Variants in NTM observed in about 807,000 individuals in gnomAD.
NTM encodes neurotrimin.
In NTM, 13 loss-of-function variants were observed where a neutral mutation model predicts 42.1. The observed-to-expected ratio is 0.31, with a 90% CI of 0.20 to 0.49. The LOEUF (loss-of-function observed/expected upper bound fraction) is 0.49, where lower values mean the gene tolerates loss of function less well. NTM is among the 20% of genes least tolerant of loss of function. The probability of loss-of-function intolerance (pLI) is 0.99; values close to 1 mark genes in which losing one functional copy is unlikely to be tolerated. For synonymous variants in NTM, 187 were observed against 179.2 expected (o/e 1.04, Z -0.35); for missense variants, 373 against 452.8 (o/e 0.82, Z 1.60).
At chr11:132,137,850 G>A (rs989993287) in intron 2 of NTM, among the ~76,000 whole-genome samples, 8 of 152,272 alleles carry the variant, frequency 5.3e-5, no homozygotes, top group African/African-American at 1.7e-4. Context: ...GCCTGTCCAC[G>A]CGATCCGTGC....
intron 1 of NTM, among the ~76,000 whole-genome samples, chr11:131,865,389 A>G (rs1399078433): frequency 6.6e-6 from 1 of 152,180 alleles, no homozygotes. Flanking sequence ...AGACCCCTGA[A>G]TGTGTTGTAT....
intron 2 of NTM, among the ~76,000 whole-genome samples, chr11:132,140,025 A>G (rs1480814402): frequency 3.3e-5 from 5 of 152,250 alleles, no homozygotes; most frequent in Non-Finnish European, 5.9e-5. Flanking sequence ...AATTTTTACA[A>G]TAAACAAAAG....
At chr11:131,898,155 G>A (rs756675483) in intron 1 of NTM, among the ~76,000 whole-genome samples, 5 of 152,132 alleles carry the variant, frequency 3.3e-5, no homozygotes, top group African/African-American at 4.8e-5. Flanking sequence ...GACTGTGCTC[G>A]AAATGTTTAT....
intron 1 of NTM, among the ~76,000 whole-genome samples, chr11:131,530,131 A>G (rs535395966): frequency 2.6e-5 from 4 of 152,232 alleles, no homozygotes; most frequent in South Asian, 4.1e-4. Context: ...TTGCAATTAT[A>G]TTTTTACCAG....
At chr11:131,851,524 G>A (rs1260053368) in intron 1 of NTM, among the ~76,000 whole-genome samples, 2 of 142,954 alleles carry the variant, frequency 1.4e-5, no homozygotes, top group African/African-American at 5.1e-5. Context: ...ATGCCCTGGT[G>A]AGAATGGCGT....
chr11:131,910,680 G>A (rs936634069), intron 1 of NTM: 12 of 256,558 alleles, frequency 4.7e-5, no homozygotes, highest in Non-Finnish European at 6.7e-5. Context: ...GCGTCCGCGC[G>A]GCTCCGGTGC....
chr11:132,179,040 A>G (rs1340779181), intron 3 of NTM, among the ~76,000 whole-genome samples: 1 of 152,078 alleles, frequency 6.6e-6, no homozygotes, highest in Non-Finnish European at 1.5e-5. Flanking sequence ...AGTACCTGCT[A>G]TGGTTTCAGG....
chr11:131,556,936 T>C (rs1386499463), intron 1 of NTM, among the ~76,000 whole-genome samples: 1 of 152,178 alleles, frequency 6.6e-6, no homozygotes. Context: ...GCTATTATTG[T>C]TGCATACTAT....
At chr11:131,480,760 C>G (rs999877511) in intron 1 of NTM, among the ~76,000 whole-genome samples, 4 of 151,782 alleles carry the variant, frequency 2.6e-5, no homozygotes, top group African/African-American at 4.8e-5. Flanking sequence ...GGAAGAGTGG[C>G]CAGCTCTGTC....
intron 1 of NTM, among the ~76,000 whole-genome samples, chr11:131,402,261 T>C (rs1945325401): frequency 6.6e-6 from 1 of 152,072 alleles, no homozygotes; most frequent in African/African-American, 2.4e-5. Flanking sequence ...TAGCAATTAT[T>C]GTGGTCTCTG....
At chr11:132,111,787 G>A (rs774176009) in intron 2 of NTM, among the ~76,000 whole-genome samples, 10 of 152,330 alleles carry the variant, frequency 6.6e-5, no homozygotes, top group African/African-American at 2.2e-4. Flanking sequence ...AATAGAATAC[G>A]TTTCTTCTAA....
At chr11:131,418,898 A>T (rs1221746569) in intron 1 of NTM, among the ~76,000 whole-genome samples, 1 of 152,188 alleles carries the variant, frequency 6.6e-6, no homozygotes, top group Non-Finnish European at 1.5e-5. Context: ...CATTAAAATC[A>T]GGGTGGCGCC....
Position 131,789,540 on chromosome 11 carries a change from AAGAAGAAAAGAAGAAG to A in NTM, c.83-122022_83-122007del, listed in dbSNP as rs2090236876. 3.6e-4 allele frequency among the ~76,000 whole-genome samples: 10 copies of A among 27,758 alleles called. 3 individuals are homozygous for A. Among genetic ancestry groups the A allele is most frequent in the Admixed American group, 9.6e-4 (2 of 2,080 alleles). 18.2% of individuals were successfully genotyped at this position (27,758 alleles called of 152,430 possible). On this transcript the variant is annotated intron_variant, in intron 1 of 8. Coordinates refer to ENST00000683400, the MANE Select transcript of NTM (RefSeq NM_001352005.2). ...GAAGAAGAAGAAGAAGAAGAAGAAG[AAGAAGAAAAGAAGAAG>A]AAGAAGAAGAAGAAGAAGAAGAAGA...
At chr11:131,508,616 C>T (rs1458501096) in intron 1 of NTM, among the ~76,000 whole-genome samples, 2 of 149,558 alleles carry the variant, frequency 1.3e-5, no homozygotes, top group Non-Finnish European at 3.0e-5. Context: ...TTCACAATAG[C>T]AAAGACTTGG....
chr11:132,112,873 A>G (rs1371018438), intron 2 of NTM, among the ~76,000 whole-genome samples: 1 of 152,166 alleles, frequency 6.6e-6, no homozygotes, highest in African/African-American at 2.4e-5. Context: ...TTCTTATTTT[A>G]AAGATCACAG....
At chr11:131,911,236 G>A in intron 1 of NTM, 2 of 1,404,440 alleles carry the variant, frequency 1.4e-6, no homozygotes, top group Non-Finnish European at 1.9e-6. Context: ...AGCGAGGAGG[G>A]AGCCCCCTTT....
chr11:132,146,974 GGCACTGCCCTCAGCTGCATCCTTCACAA>G lies in NTM; in HGVS notation c.400+465_400+492del, dbSNP rs545225981. 380 of 170,118 alleles carry G rather than the reference GGCACTGCCCTCAGCTGCATCCTTCACAA, an allele frequency of 2.2e-3. No individual in the cohort carries two copies. Among genetic ancestry groups the G allele is most frequent in the African/African-American group, 8.8e-3 (365 of 41,626 alleles). The allele number at this position is 170,118 out of a possible 1,614,324, so 10.5% of individuals were successfully genotyped here. A position where few individuals can be genotyped will look rare whatever the true frequency, so the allele number is the denominator to read the frequency against. Reference sequence around the variant, plus strand: ...AAGCAGAGCCAACCAGGATGCACTGGGCACTGCCCTCAGCTGCATCCTTCACAAGCACCTGCTTGTTTCCAGCTCACTT... The same window carrying G: ...AAGCAGAGCCAACCAGGATGCACTGGGCACCTGCTTGTTTCCAGCTCACTT... On this transcript the variant is annotated intron_variant, in intron 3 of 8. Transcript: ENST00000683400. This position sits in a 1 kb window ranked among gnomAD's most constrained non-coding sequence, Gnocchi z 4.5.
chr11:132,291,990 C>T (rs759369246), intron 4 of NTM, among the ~76,000 whole-genome samples: 49 of 152,062 alleles, frequency 3.2e-4, no homozygotes, highest in Non-Finnish European at 6.6e-4. Context: ...TGAAAAGAGG[C>T]TGTGGAGCCT....
intron 1 of NTM, among the ~76,000 whole-genome samples, chr11:131,855,445 T>G (rs188540102): frequency 6.6e-6 from 1 of 152,282 alleles, no homozygotes; most frequent in African/African-American, 2.4e-5. Flanking sequence ...AATTCCCCAC[T>G]CTACCAACAA....
Sources: allele counts gnomAD v4.1 joint callset (sites outside exome capture counted in the v4.1 genomes callset), GRCh38; gene constraint gnomAD v4.1.1; non-coding constraint Gnocchi (gnomAD v3.1); transcripts MANE v1.5; gene names NCBI Gene and HGNC (gene_info 2026-07-23, HGNC 2026-07-21).